Variants in COX7B2 observed in about 807,000 individuals in gnomAD.
The protein encoded by COX7B2 is cytochrome c oxidase subunit 7B2, mitochondrial.
For missense variants in COX7B2, 109 were observed against 95.9 expected (o/e 1.14, Z -0.57); for synonymous variants, 37 against 32.1 (o/e 1.15, Z -0.51).
intron 2 of COX7B2, among the ~76,000 whole-genome samples, chr4:46,779,141 G>A (rs961330994): frequency 5.3e-5 from 8 of 152,082 alleles, no homozygotes; most frequent in African/African-American, 1.9e-4. Context: ...AATATTACAT[G>A]CTGAAGACTG....
At chr4:46,762,461 GTATATGTAC>G (rs1560362367) in intron 2 of COX7B2, among the ~76,000 whole-genome samples, 2 of 132,242 alleles carry the variant, frequency 1.5e-5, no homozygotes, top group Non-Finnish European at 3.1e-5. Flanking sequence ...ACTATATATA[GTATATGTAC>G]TATATATACT....
intron 2 of COX7B2, among the ~76,000 whole-genome samples, chr4:46,739,595 C>T (rs1189273744): frequency 2.0e-5 from 3 of 151,874 alleles, no homozygotes; most frequent in Non-Finnish European, 2.9e-5. Flanking sequence ...GAGGAGGGGG[C>T]GTTTTATCCT....
At chr4:46,798,176 T>G (rs1362186742) in intron 2 of COX7B2, among the ~76,000 whole-genome samples, 1 of 152,158 alleles carries the variant, frequency 6.6e-6, no homozygotes, top group African/African-American at 2.4e-5. Flanking sequence ...TCTACCTCAG[T>G]GAAATTTCTA....
intron 2 of COX7B2, among the ~76,000 whole-genome samples, chr4:46,763,456 G>A (rs2109486335): frequency 6.6e-6 from 1 of 151,468 alleles, no homozygotes; most frequent in Non-Finnish European, 1.5e-5. Flanking sequence ...ACATTTCTTT[G>A]AAACATTTTC....
chr4:46,822,586 A>G (rs1714380154), intron 2 of COX7B2, among the ~76,000 whole-genome samples: 1 of 152,206 alleles, frequency 6.6e-6, no homozygotes, highest in African/African-American at 2.4e-5. Context: ...AAAAATAACT[A>G]CATTAAAAAA....
intron 2 of COX7B2, among the ~76,000 whole-genome samples, chr4:46,822,236 G>T (rs1714349595): frequency 6.6e-6 from 1 of 152,088 alleles, no homozygotes; most frequent in African/African-American, 2.4e-5. Flanking sequence ...AGAAAATATG[G>T]GAGTTTTTGT....
intron 2 of COX7B2, among the ~76,000 whole-genome samples, chr4:46,770,820 C>T (rs1357273610): frequency 6.6e-6 from 1 of 152,036 alleles, no homozygotes; most frequent in Non-Finnish European, 1.5e-5. Context: ...TATGCAGAAT[C>T]AACTCAAAAG....
At chr4:46,839,348 T>C (rs1715765455) in intron 2 of COX7B2, among the ~76,000 whole-genome samples, 1 of 152,014 alleles carries the variant, frequency 6.6e-6, no homozygotes, top group Non-Finnish European at 1.5e-5. Context: ...TCAGTCCTCT[T>C]GTCAATAGCA....
chr4:46,741,266 G>T (rs557915535), intron 2 of COX7B2, among the ~76,000 whole-genome samples: 1 of 151,968 alleles, frequency 6.6e-6, no homozygotes, highest in Non-Finnish European at 1.5e-5. Context: ...GGTATATCAG[G>T]GTTTCCCAAT....
At chr4:46,798,259 C>T (rs1317441275) in intron 2 of COX7B2, among the ~76,000 whole-genome samples, 1 of 152,144 alleles carries the variant, frequency 6.6e-6, no homozygotes, top group Admixed American at 6.5e-5. Flanking sequence ...ACTGGCCTCT[C>T]CTAGAACCAA....
At chr4:46,771,386 A>G (rs2109517517) in intron 2 of COX7B2, among the ~76,000 whole-genome samples, 2 of 152,272 alleles carry the variant, frequency 1.3e-5, no homozygotes, top group South Asian at 4.1e-4. Context: ...TGGTATAGCC[A>G]TTATGGAAAA....
At chr4:46,887,394 C>A (rs1291740865) in intron 1 of COX7B2, among the ~76,000 whole-genome samples, 1 of 152,102 alleles carries the variant, frequency 6.6e-6, no homozygotes, top group Non-Finnish European at 1.5e-5. Flanking sequence ...CATCTAAGAT[C>A]ATGTACATAA....
At chr4:46,822,813 C>A (rs1321473451) in intron 2 of COX7B2, among the ~76,000 whole-genome samples, 5 of 151,748 alleles carry the variant, frequency 3.3e-5, no homozygotes, top group African/African-American at 1.2e-4. Context: ...TTGAATATTC[C>A]AATACATAAA....
At chr4:46,893,700 G>A (rs2109877310) in intron 1 of COX7B2, among the ~76,000 whole-genome samples, 1 of 152,182 alleles carries the variant, frequency 6.6e-6, no homozygotes, top group African/African-American at 2.4e-5. Context: ...CAGCAAAGTA[G>A]AAGAAACTTC....
At chr4:46,855,065 C>T (rs555154927) in intron 1 of COX7B2, among the ~76,000 whole-genome samples, 162 of 152,182 alleles carry the variant, frequency 1.1e-3, no homozygotes, top group African/African-American at 3.8e-3. Context: ...CGGTGCCTCA[C>T]GTCTGTAATC....
At chr4:46,818,486 A>C (rs973522067) in intron 2 of COX7B2, among the ~76,000 whole-genome samples, 1 of 152,012 alleles carries the variant, frequency 6.6e-6, no homozygotes, top group Non-Finnish European at 1.5e-5. Context: ...AATACAAAAA[A>C]ATTAGCTGGG....
chr4:46,858,544 G>C (rs764780700), intron 1 of COX7B2, among the ~76,000 whole-genome samples: 10 of 152,144 alleles, frequency 6.6e-5, no homozygotes, highest in Non-Finnish European at 1.2e-4. Context: ...TAATTCTAGA[G>C]CTTTAAAATG....
intron 1 of COX7B2, among the ~76,000 whole-genome samples, chr4:46,894,881 AG>A (rs1438996569): frequency 3.3e-5 from 5 of 152,206 alleles, no homozygotes; most frequent in Admixed American, 3.3e-4. Context: ...TGTGAAAGAA[AG>A]GTGCATATCA....
At chr4:46,836,707 G>A (rs1307067128) in intron 2 of COX7B2, among the ~76,000 whole-genome samples, 3 of 152,044 alleles carry the variant, frequency 2.0e-5, no homozygotes, top group Non-Finnish European at 4.4e-5. Context: ...GTATATAATG[G>A]TATGTGATAG....
Sources: allele counts gnomAD v4.1 joint callset (sites outside exome capture counted in the v4.1 genomes callset), GRCh38; gene constraint gnomAD v4.1.1; transcripts MANE v1.5; gene names NCBI Gene and HGNC (gene_info 2026-07-23, HGNC 2026-07-21).